PREPL: variants seen among roughly 807,000 people sequenced by gnomAD.
PREPL encodes prolyl endopeptidase-like.
In PREPL, 77 loss-of-function variants were observed where a neutral mutation model predicts 70.6. The ratio of observed to expected loss-of-function variants is 1.09; its 90% confidence interval spans 0.91 to 1.32. The LOEUF (loss-of-function observed/expected upper bound fraction) is 1.32. PREPL is among the 40% of genes most tolerant of loss of function. PREPL has a pLI of 0.00. For synonymous variants in PREPL, 315 were observed against 264.8 expected (o/e 1.19, Z -1.84); for missense variants, 1,002 against 778.2 (o/e 1.29, Z -3.42).
At chr2:44,325,719 G>A (rs1018913540) in intron 10 of PREPL, among the ~76,000 whole-genome samples, 4 of 151,876 alleles carry the variant, frequency 2.6e-5, no homozygotes, top group African/African-American at 7.3e-5. Context: ...AGACTTACAG[G>A]TGACTACTAT....
Position 44,343,949 on chromosome 2 carries a change from C to G in PREPL, c.145G>C (p.Asp49His), listed in dbSNP as rs374056962. 4 of 1,613,082 alleles carry G rather than the reference C, an allele frequency of 2.5e-6. No individual in the cohort carries two copies. Among genetic ancestry groups the G allele is most frequent in the Non-Finnish European group, 3.4e-6 (4 of 1,179,734 alleles). The stretch of plus-strand genomic sequence containing the variant: ...AATAAAACTTCATAATTATCATTGT[C>G]TGCTGTATAAAGAAAAATACGAAAG... ...CLVRSKDEEADNDNYEVLFNL... is the reference protein window; with the variant it reads ...CLVRSKDEEAHNDNYEVLFNL... Residue 49 changes from aspartate to histidine, a missense_variant and splice_region_variant, in exon 4 of 14, where the codon GAC becomes CAC. Coordinates refer to ENST00000409411, the MANE Select transcript of PREPL (RefSeq NM_001171613.2).
chr2:44,348,130 T>G (rs1255946578), intron 1 of PREPL, among the ~76,000 whole-genome samples: 1 of 152,158 alleles, frequency 6.6e-6, no homozygotes, highest in South Asian at 2.1e-4. Context: ...GCTCAAGCAA[T>G]CTTCCTGCCT....
intron 7 of PREPL, among the ~76,000 whole-genome samples, chr2:44,334,241 G>C (rs1461615281): frequency 2.6e-5 from 4 of 152,152 alleles, no homozygotes; most frequent in Admixed American, 6.5e-5. Context: ...CCAGGAGATA[G>C]GGAGACATTC....
intron 1 of PREPL, among the ~76,000 whole-genome samples, chr2:44,352,940 A>G (rs58067236): frequency 0.14 from 21,287 of 152,178 alleles, 2,735 homozygotes; most frequent in African/African-American, 0.34. Flanking sequence ...TATAGGATCA[A>G]TAAGTGTAAG....
At chr2:44,332,340 G>A (rs1223817147) in intron 8 of PREPL, 119 bp downstream of exon 8, 2 of 834,246 alleles carry the variant, frequency 2.4e-6, no homozygotes, top group Non-Finnish European at 1.9e-6. Flanking sequence ...GGGTATTACT[G>A]TGGTCTAAGA....
At position 44,317,662 on chromosome 2, in the gene PREPL, A is replaced by G. The variant is rs1320593149; in HGVS notation, c.*3694T>C. 6.6e-6 allele frequency: 1 copy of G among 152,432 alleles called. No homozygotes were observed. Among genetic ancestry groups the G allele is most frequent in the African/African-American group, 2.4e-5 (1 of 41,436 alleles). The allele number at this position is 152,432 out of a possible 1,614,324, so 9.4% of individuals were successfully genotyped here. ...ATTAGGACATAAAAATAATTTTCAA[A>G]GAATTATTTTCAAAGAACACTAGAC... is the stretch of plus-strand genomic sequence containing the variant. On this transcript the variant is annotated 3_prime_UTR_variant, in exon 14 of 14. Transcript: ENST00000409411.
chr2:44,321,359 G>C lies in PREPL; in HGVS notation c.1914C>G (p.Phe638Leu). Reference protein sequence around the residue: ...VFEDLKKYLKF With the variant: ...VFEDLKKYLKL ...ATTCCCAGTTGAATGCAGTGTTTCA[G>C]AATTTCAGGTATTTCTTAAGATCCT... The change falls in exon 14 of 14, where the codon TTC becomes TTG. Residue 638 changes from phenylalanine (F) to leucine (L), a missense_variant. Physicochemically the swap from Phe to Leu is conservative, Grantham distance 22. Coordinates refer to ENST00000409411, the MANE Select transcript of PREPL (RefSeq NM_001171613.2). 6.2e-7 allele frequency: 1 copy of C among 1,602,250 alleles called. No individual in the cohort carries two copies. Among genetic ancestry groups the C allele is most frequent in the Middle Eastern group, 1.7e-4 (1 of 6,024 alleles).
intron 9 of PREPL, among the ~76,000 whole-genome samples, chr2:44,328,438 C>CAAAAAAAAAA (rs1194898905): frequency 6.5e-5 from 4 of 61,190 alleles, no homozygotes; most frequent in South Asian, 8.7e-4. Flanking sequence ...CTGTCTCAAA[C>CAAAAAAAAAA]AAAAAAAAAA....
chr2:44,338,127 C>A (rs4953091), intron 7 of PREPL, among the ~76,000 whole-genome samples: 101,015 of 151,992 alleles, frequency 0.66, 34,170 homozygotes, highest in African/African-American at 0.73. Flanking sequence ...GAAGTCCATG[C>A]CATAAGACAC....
At chr2:44,327,072 C>A in intron 9 of PREPL, 144 bp from the exon 10 acceptor site, 1 of 680,450 alleles carries the variant, frequency 1.5e-6, no homozygotes, top group South Asian at 1.9e-5. Context: ...TGAGTGAAAA[C>A]AAGGAATGTG....
chr2:44,357,998 G>A (rs1437877988), intron 1 of PREPL, among the ~76,000 whole-genome samples: 2 of 152,126 alleles, frequency 1.3e-5, no homozygotes, highest in African/African-American at 4.8e-5. Context: ...AGGAAGACTA[G>A]GGGGCTAACA....
intron 1 of PREPL, chr2:44,359,760 C>A: frequency 1.5e-6 from 2 of 1,357,816 alleles, no homozygotes; most frequent in Admixed American, 1.7e-5. Context: ...GCTGCCAGCA[C>A]ACGAATGATT....
At chr2:44,322,588 G>C in intron 12 of PREPL, 143 bp downstream of exon 12, 1 of 1,073,662 alleles carries the variant, frequency 9.3e-7, no homozygotes, top group Non-Finnish European at 1.3e-6. Flanking sequence ...CACTTTAACT[G>C]GGGAGTCAAC....
At position 44,332,674 on chromosome 2, in the gene PREPL, C is replaced by G. The variant is rs900418011; in HGVS notation, c.889-18G>C. 2.5e-6 allele frequency: 4 copies of G among 1,572,590 alleles called. No individual in the cohort carries two copies. In the African/African-American group the frequency reaches 5.5e-5, roughly 22 times the overall value. ...GGAGGGAGCTAAAGAAATACAACAG[C>G]TATTTTTATTCTTTATTTAGGCCAC... On this transcript the variant is annotated intron_variant, in intron 7 of 13. Coordinates refer to ENST00000409411, the MANE Select transcript of PREPL (RefSeq NM_001171613.2).
Position 44,329,079 on chromosome 2 carries a change from T to C in PREPL, c.1120A>G (p.Lys374Glu), listed in dbSNP as rs762626013. 12 of 1,609,182 alleles carry C rather than the reference T, an allele frequency of 7.5e-6. No individual in the cohort carries two copies. Among genetic ancestry groups the C allele is most frequent in the Non-Finnish European group, 1.0e-5 (12 of 1,175,826 alleles). Residue 374 changes from lysine (K) to glutamate (E), a missense_variant, in exon 9 of 14, where the codon AAA becomes GAA. Coordinates refer to ENST00000409411, the MANE Select transcript of PREPL (RefSeq NM_001171613.2). ...GKLVPMTVFH[K>E]TDSEDLQKKP... ...TTCTGCAAGTCCTCAGAGTCAGTTT[T>C]GTGGAAAACAGTCATTGGCACTAAT...
rs1672734104 is a variant in PREPL, at chr2:44,319,438, G to A, written c.*1918C>T. On this transcript the variant is annotated 3_prime_UTR_variant, in exon 14 of 14. Transcript: ENST00000409411. The stretch of plus-strand genomic sequence containing the variant: ...ATATTAGAAACACTATCGTCAAAAT[G>A]AAAGGGCATGGCTGAGTATGGTACA... 1 of 152,448 alleles carries A rather than the reference G, an allele frequency of 6.6e-6. No homozygotes were observed. Among genetic ancestry groups the A allele is most frequent in the East Asian group, 1.9e-4 (1 of 5,202 alleles). The allele number at this position is 152,448 out of a possible 1,614,324, so 9.4% of individuals were successfully genotyped here.
At chr2:44,351,568 A>T (rs1224854400) in intron 1 of PREPL, among the ~76,000 whole-genome samples, 1 of 151,960 alleles carries the variant, frequency 6.6e-6, no homozygotes, top group Non-Finnish European at 1.5e-5. Flanking sequence ...AATTTACATA[A>T]ATGACAAATC....
At position 44,319,418 on chromosome 2, in the gene PREPL, A is replaced by G. The variant is rs1672731036; in HGVS notation, c.*1938T>C. ...GAGGGGAATAAAAATACAAAATATT[A>G]GAAACACTATCGTCAAAATGAAAGG... On this transcript the variant is annotated 3_prime_UTR_variant, in exon 14 of 14. Coordinates refer to ENST00000409411, the MANE Select transcript of PREPL (RefSeq NM_001171613.2). 1 of 152,594 alleles carries G rather than the reference A, an allele frequency of 6.6e-6. No homozygotes were observed. Among genetic ancestry groups the G allele is most frequent in the African/African-American group, 2.4e-5 (1 of 41,474 alleles). 9.5% of individuals were successfully genotyped at this position (152,594 alleles called of 1,614,324 possible).
intron 1 of PREPL, chr2:44,347,154 G>C: frequency 6.6e-6 from 1 of 151,854 alleles, no homozygotes; most frequent in East Asian, 1.9e-4. Context: ...AACATAGCGA[G>C]ACCCCGTCTC....
Sources: allele counts gnomAD v4.1 joint callset (sites outside exome capture counted in the v4.1 genomes callset), GRCh38; gene constraint gnomAD v4.1.1; transcripts MANE v1.5; gene names NCBI Gene and HGNC (gene_info 2026-07-23, HGNC 2026-07-21).